The following MYCBP2 variants were observed in gnomAD, a reference collection of about 807,000 sequenced individuals.
The protein encoded by MYCBP2 is MYC binding protein 2, also known as E3 ubiquitin-protein ligase MYCBP2.
MYCBP2 carries 120 observed loss-of-function variants against 525.3 expected under a neutral mutation model. The observed-to-expected ratio is 0.23, with a 90% CI of 0.20 to 0.27. The LOEUF is 0.27. MYCBP2 is among the 10% of genes least tolerant of loss of function. The probability of loss-of-function intolerance (pLI) is 1.00; values close to 1 mark genes in which losing one functional copy is unlikely to be tolerated. For synonymous variants in MYCBP2, 1,894 were observed against 1,955.8 expected (o/e 0.97, Z 0.83); for missense variants, 4,149 against 5,657.1 (o/e 0.73, Z 8.55).
intron 52 of MYCBP2, chr13:77,129,175 G>A (rs557464308): frequency 3.5e-5 from 14 of 397,734 alleles, no homozygotes; most frequent in Non-Finnish European, 6.2e-5. Context: ...AAAAGCTTTG[G>A]AAGTCCATGA....
intron 59 of MYCBP2, among the ~76,000 whole-genome samples, chr13:77,092,131 A>C (rs1000614230): frequency 6.0e-5 from 9 of 150,722 alleles, no homozygotes; most frequent in African/African-American, 2.2e-4. Flanking sequence ...TGCGCTCATT[A>C]AAGTATTTAT....
chr13:77,286,063 G>C (rs562154194), intron 3 of MYCBP2, among the ~76,000 whole-genome samples: 4 of 152,326 alleles, frequency 2.6e-5, no homozygotes, highest in Non-Finnish European at 5.9e-5. Flanking sequence ...CACAAAACTT[G>C]TATTACTCTA....
chr13:77,287,426 C>A (rs911989329), intron 3 of MYCBP2, among the ~76,000 whole-genome samples: 5 of 152,112 alleles, frequency 3.3e-5, no homozygotes, highest in Non-Finnish European at 7.4e-5. Flanking sequence ...CTCAGGTGAT[C>A]CACCCGCCTT....
rs138976175 is a variant in MYCBP2, at chr13:77,309,847, C to G, written c.303-13173G>C. ...ACCTATGATTGGCTGGGCGCAGTGG[C>G]TCACGCCTGTAATCTCAGTACTTTG... On this transcript the variant is annotated intron_variant, in intron 1 of 82. Coordinates refer to ENST00000544440, the MANE Select transcript of MYCBP2 (RefSeq NM_015057.5). Among the ~76,000 whole-genome samples, 1,361 of 152,304 alleles carry G rather than the reference C, an allele frequency of 8.9e-3. 26 individuals are homozygous for G. The highest frequency in any genetic ancestry group is 0.031 in the African/African-American group (1,301 of 41,542).
In MYCBP2 at chr13:77,108,893, C is replaced by T. The variant is rs539689152; in HGVS notation, c.8141-9880G>A. Among the ~76,000 whole-genome samples, 201 of 152,068 alleles carry T rather than the reference C, an allele frequency of 1.3e-3. 2 individuals are homozygous for T. The highest frequency in any genetic ancestry group is 4.3e-3 in the African/African-American group (179 of 41,502). On this transcript the variant is annotated intron_variant, in intron 55 of 82. Transcript: ENST00000544440. ...TAATTTTTTGTATTTTTAGTAGAGA[C>T]GGGGTTTCACTGTGTTAGCCAGGAT...
At chr13:77,067,917 GTTTCT>G in intron 70 of MYCBP2, 53 bp from the exon 71 acceptor site, 1 of 1,509,564 alleles carries the variant, frequency 6.6e-7, no homozygotes, top group Admixed American at 2.2e-5. Context: ...ATGTTTTAAG[GTTTCT>G]TTTATTTCTC....
chr13:77,098,824 G>T lies in MYCBP2; in HGVS notation c.8330C>A (p.Ala2777Glu), dbSNP rs1158216698. ...ACTGTGGGAATCTGACCTCAACTTT[G>T]CAGCATCAGATTTTAAGATGAGGGA... ...SESLILKSDA[A>E]KLRSDSHSRS... is the part of the protein sequence containing the mutation. Residue 2777 changes from alanine to glutamate, a missense_variant, in exon 56 of 83, where the codon GCA becomes GAA. By Grantham distance (107) the Ala-to-Glu change is moderately radical. Around this residue, in one of 21 missense-constraint regions of MYCBP2, gnomAD observed 653 missense variants for 744.7 expected, o/e 0.88. Coordinates refer to ENST00000544440, the MANE Select transcript of MYCBP2 (RefSeq NM_015057.5). 1 of 1,613,630 alleles carries T rather than the reference G, an allele frequency of 6.2e-7. No individual in the cohort carries two copies. The highest frequency in any genetic ancestry group is 2.2e-5 in the East Asian group (1 of 44,862).
intron 68 of MYCBP2, among the ~76,000 whole-genome samples, chr13:77,073,835 T>G (rs1241059598): frequency 6.6e-6 from 1 of 152,150 alleles, no homozygotes; most frequent in Non-Finnish European, 1.5e-5. Flanking sequence ...ATGTACAAGA[T>G]GTGTACAATG....
intron 13 of MYCBP2, among the ~76,000 whole-genome samples, chr13:77,259,845 A>T (rs2072946561): frequency 6.6e-6 from 1 of 152,178 alleles, no homozygotes; most frequent in African/African-American, 2.4e-5. Flanking sequence ...AAATCTAGTA[A>T]CCAAATATGA....
chr13:77,056,215 T>C (rs1189047642), intron 79 of MYCBP2, among the ~76,000 whole-genome samples: 1 of 151,030 alleles, frequency 6.6e-6, no homozygotes, highest in Admixed American at 6.6e-5. Flanking sequence ...ACAGGTAGTA[T>C]TTGCTGTAAA....
chr13:77,298,909 G>C (rs1187724331), intron 1 of MYCBP2, among the ~76,000 whole-genome samples: 1 of 152,166 alleles, frequency 6.6e-6, no homozygotes, highest in African/African-American at 2.4e-5. Context: ...TATTTCAACT[G>C]TGTACTTTCA....
intron 23 of MYCBP2, among the ~76,000 whole-genome samples, chr13:77,208,300 C>T (rs1295763663): frequency 6.6e-6 from 1 of 152,138 alleles, no homozygotes; most frequent in Non-Finnish European, 1.5e-5. Flanking sequence ...TCAGACTTAC[C>T]TCAGTCATTT....
intron 41 of MYCBP2, 108 bp from the exon 42 acceptor site, chr13:77,165,499 C>T (rs1440765582): frequency 1.3e-6 from 1 of 799,392 alleles, no homozygotes; most frequent in Non-Finnish European, 2.0e-6. Flanking sequence ...GGTAAAAACA[C>T]AAATCATATA....
intron 17 of MYCBP2, among the ~76,000 whole-genome samples, chr13:77,237,037 C>T (rs976185216): frequency 6.6e-6 from 1 of 152,118 alleles, no homozygotes; most frequent in Non-Finnish European, 1.5e-5. Context: ...ATACTCTCTG[C>T]CCCACACATT....
At chr13:77,299,038 A>C (rs1016895043) in intron 1 of MYCBP2, among the ~76,000 whole-genome samples, 6 of 152,238 alleles carry the variant, frequency 3.9e-5, no homozygotes, top group African/African-American at 1.4e-4. Flanking sequence ...CCTTTATATT[A>C]AAGATTACCT....
At chr13:77,154,054 C>T (rs1383690619) in intron 46 of MYCBP2, among the ~76,000 whole-genome samples, 2 of 152,144 alleles carry the variant, frequency 1.3e-5, no homozygotes, top group African/African-American at 2.4e-5. Context: ...AAATAATTAG[C>T]TATTACTGCA....
At position 77,166,976 on chromosome 13, in the gene MYCBP2, T is replaced by TACACAC. The variant is rs539593054; in HGVS notation, c.6115-428_6115-423dup. On this transcript the variant is annotated intron_variant, in intron 40 of 82. Coordinates refer to ENST00000544440, the MANE Select transcript of MYCBP2 (RefSeq NM_015057.5). ...ATACTTCAAAGACAAAACACACACA[T>TACACAC]ACACACACACACACACACACACACA... is the stretch of plus-strand genomic sequence containing the variant. Among the ~76,000 whole-genome samples the TACACAC allele has an allele frequency of 3.4e-3, 434 of 127,174 alleles. 7 individuals are homozygous for TACACAC. Among genetic ancestry groups the TACACAC allele is most frequent in the African/African-American group, 0.013 (407 of 31,564 alleles). 83.4% of individuals were successfully genotyped at this position (127,174 alleles called of 152,430 possible). A position where few individuals can be genotyped will look rare whatever the true frequency, so the allele number is the denominator to read the frequency against.
chr13:77,145,284 C>A (rs910945136), intron 48 of MYCBP2, among the ~76,000 whole-genome samples: 12 of 152,196 alleles, frequency 7.9e-5, no homozygotes, highest in Non-Finnish European at 1.3e-4. Flanking sequence ...TGATAGCTGA[C>A]AACTCTTCCT....
Position 77,180,191 on chromosome 13 carries a change from G to A in MYCBP2, c.5069C>T (p.Ser1690Phe). The A allele has an allele frequency of 6.2e-7, 1 of 1,614,172 alleles. No individual in the cohort carries two copies. Among genetic ancestry groups the A allele is most frequent in the Non-Finnish European group, 8.5e-7 (1 of 1,180,014 alleles). ...ENELFSSHLV[S>F]NTCGLLASIV... ...GCTGGCCAGTAATCCACAGGTGTTA[G>A]AGACGAGGTGGGAGGAGAAGAGTTC... The change falls in exon 34 of 83, where the codon TCT becomes TTT. Residue 1690 changes from serine to phenylalanine, a missense_variant. Transcript: ENST00000544440.
Sources: allele counts gnomAD v4.1 joint callset (sites outside exome capture counted in the v4.1 genomes callset), GRCh38; gene constraint gnomAD v4.1.1; regional missense constraint gnomAD v4.1.1; transcripts MANE v1.5; gene names NCBI Gene and HGNC (gene_info 2026-07-23, HGNC 2026-07-21).